The following RAD54B variants were observed in gnomAD, a reference collection of about 807,000 sequenced individuals.
RAD54B encodes DNA repair and recombination protein RAD54B.
RAD54B carries 78 observed loss-of-function variants against 95.8 expected under a neutral mutation model. That is an observed-to-expected ratio of 0.81 (90% CI 0.68 to 0.98). RAD54B has a LOEUF of 0.98. Ranked by LOEUF, RAD54B falls within the 50% of genes least tolerant of loss-of-function variation. The probability of loss-of-function intolerance (pLI) is 0.00; values close to 1 mark genes in which losing one functional copy is unlikely to be tolerated. For synonymous variants in RAD54B, 328 were observed against 354.9 expected (o/e 0.92, Z 0.85); for missense variants, 957 against 1,056.6 (o/e 0.91, Z 1.31).
At chr8:94,406,193 T>C (rs1872889) in intron 5 of RAD54B, among the ~76,000 whole-genome samples, 58,020 of 151,872 alleles carry the variant, frequency 0.38, 11,258 homozygotes, top group Admixed American at 0.5. Context: ...GGACCCACGT[T>C]TTACACATGA....
At chr8:94,384,092 T>C (rs1034166862) in intron 11 of RAD54B, among the ~76,000 whole-genome samples, 1 of 152,100 alleles carries the variant, frequency 6.6e-6, no homozygotes, top group African/African-American at 2.4e-5. Context: ...GTAACAAACC[T>C]GCACATTGTG....
intron 3 of RAD54B, among the ~76,000 whole-genome samples, chr8:94,452,793 A>G (rs1324909326): frequency 2.0e-5 from 3 of 152,146 alleles, no homozygotes; most frequent in Non-Finnish European, 4.4e-5. Context: ...CACCACACCC[A>G]GCCTACTATC....
At chr8:94,383,959 G>A (rs77341112) in intron 11 of RAD54B, among the ~76,000 whole-genome samples, 1,950 of 152,230 alleles carry the variant, frequency 0.013, 47 homozygotes, top group African/African-American at 0.044. Context: ...ATGAAAAACA[G>A]TATGGCAGTA....
chr8:94,447,852 G>A (rs1812558518), intron 3 of RAD54B, among the ~76,000 whole-genome samples: 1 of 152,102 alleles, frequency 6.6e-6, no homozygotes, highest in Admixed American at 6.5e-5. Flanking sequence ...ATGACAGATG[G>A]AATAAATAGA....
intron 9 of RAD54B, 45 bp downstream of exon 9, chr8:94,393,698 A>T: frequency 2.7e-6 from 4 of 1,478,888 alleles, no homozygotes; most frequent in Non-Finnish European, 3.7e-6. Flanking sequence ...TGATTTCCTC[A>T]GACATACGGC....
intron 4 of RAD54B, among the ~76,000 whole-genome samples, chr8:94,408,798 C>T (rs984682880): frequency 1.3e-5 from 2 of 152,050 alleles, no homozygotes; most frequent in African/African-American, 4.8e-5. Context: ...ACATAAAATC[C>T]AATTACTGTT....
Position 94,462,181 on chromosome 8 carries a change from G to C in RAD54B, c.136-3745C>G, listed in dbSNP as rs142024525. 2.6e-3 allele frequency among the ~76,000 whole-genome samples: 390 copies of C among 152,258 alleles called. 1 individual carries two copies. The highest frequency in any genetic ancestry group is 9.1e-3 in the African/African-American group (379 of 41,524). ...AATACAACAGTTCATCATATTAGGA[G>C]GCACATAATATCGGTTTGTTCCATT... On this transcript the variant is annotated intron_variant, in intron 2 of 14. Transcript: ENST00000336148.
intron 3 of RAD54B, among the ~76,000 whole-genome samples, chr8:94,441,051 C>T (rs150448863): frequency 6.1e-4 from 93 of 152,252 alleles, no homozygotes; most frequent in Non-Finnish European, 2.9e-4. Context: ...TATGGAAGAA[C>T]ACTGTGAAAC....
rs747654255 is a variant in RAD54B, at chr8:94,387,177, T to G, written c.1810-18A>C. ...TCCTTTTCCTATTCAAAATGATGATTGTTAATGCTGGCTCAAGTTTGTTTT... is the reference window on the plus strand; with the variant it reads ...TCCTTTTCCTATTCAAAATGATGATGGTTAATGCTGGCTCAAGTTTGTTTT... On this transcript the variant is annotated intron_variant, in intron 10 of 14. Transcript: ENST00000336148. 3 of 1,534,016 alleles carry G rather than the reference T, an allele frequency of 2.0e-6. No individual in the cohort carries two copies. Among genetic ancestry groups the G allele is most frequent in the Non-Finnish European group, 1.7e-6 (2 of 1,142,894 alleles).
chr8:94,389,538 C>G lies in RAD54B; in HGVS notation c.1809+2071G>C, dbSNP rs560828621. ...TACCAGTTTGACTTCTCATCTCAAG[C>G]TAATCGCGACACTATCTCTTCTGAC... On this transcript the variant is annotated intron_variant, in intron 10 of 14. Transcript: ENST00000336148. Among the ~76,000 whole-genome samples the G allele has an allele frequency of 9.7e-4, 147 of 152,310 alleles. 1 individual carries two copies. Among genetic ancestry groups the G allele is most frequent in the African/African-American group, 3.0e-3 (126 of 41,570 alleles).
intron 11 of RAD54B, among the ~76,000 whole-genome samples, chr8:94,385,898 T>A (rs1810879015): frequency 6.6e-6 from 1 of 152,040 alleles, no homozygotes; most frequent in African/African-American, 2.4e-5. Flanking sequence ...ATGGTATGTG[T>A]GAAGGAGTGA....
At chr8:94,417,256 G>A (rs1811695840) in intron 3 of RAD54B, among the ~76,000 whole-genome samples, 2 of 152,034 alleles carry the variant, frequency 1.3e-5, no homozygotes, top group African/African-American at 4.8e-5. Context: ...TAGGAAGCAG[G>A]GTGGTGGTAG....
At chr8:94,396,466 G>A (rs2129998432) in intron 8 of RAD54B, among the ~76,000 whole-genome samples, 1 of 151,376 alleles carries the variant, frequency 6.6e-6, no homozygotes, top group Non-Finnish European at 1.5e-5. Context: ...ACCCAACACT[G>A]TCAATAACCT....
intron 3 of RAD54B, among the ~76,000 whole-genome samples, chr8:94,421,153 T>C (rs1811799601): frequency 6.6e-6 from 1 of 152,124 alleles, no homozygotes; most frequent in Non-Finnish European, 1.5e-5. Flanking sequence ...CCCCCTAAAC[T>C]GCCCTGTTAA....
chr8:94,416,377 G>A (rs376350502), intron 3 of RAD54B, among the ~76,000 whole-genome samples: 7 of 151,964 alleles, frequency 4.6e-5, no homozygotes, highest in Non-Finnish European at 7.4e-5. Context: ...GTGGTGGGGC[G>A]AGGGGGGAGG....
At chr8:94,416,287 G>T (rs1018855888) in intron 3 of RAD54B, among the ~76,000 whole-genome samples, 1 of 151,642 alleles carries the variant, frequency 6.6e-6, no homozygotes, top group African/African-American at 2.4e-5. Flanking sequence ...AACACCGCAT[G>T]TTCTCACTCA....
intron 3 of RAD54B, among the ~76,000 whole-genome samples, chr8:94,451,754 CCTT>C (rs112346796): frequency 6.6e-6 from 1 of 152,044 alleles, no homozygotes. Context: ...GGCCTGTACT[CCTT>C]AAGTTAAAAA....
intron 3 of RAD54B, chr8:94,436,776 T>C (rs184283750): frequency 6.5e-7 from 1 of 1,550,320 alleles, no homozygotes; most frequent in African/African-American, 1.4e-5. Flanking sequence ...TATTAGTGTG[T>C]TCTTCGAGAA....
At position 94,458,293 on chromosome 8, in the gene RAD54B, C is replaced by T. The variant is rs1812822518; in HGVS notation, c.279G>A (p.Leu93=). 1 of 1,607,228 alleles carries T rather than the reference C, an allele frequency of 6.2e-7. No homozygotes were observed. The highest frequency in any genetic ancestry group is 8.5e-7 in the Non-Finnish European group (1 of 1,177,800). Residue 93 remains leucine (L), a synonymous_variant, in exon 3 of 15, where the codon CTG becomes CTA. Transcript: ENST00000336148. ...CTGTATGAGGTGGATCTAATGTTGC[C>T]AGTGTAGGTGCTTCAAAACAATATT... is the stretch of plus-strand genomic sequence containing the variant. ...SGKYCFEAPT[L]ATLDPPHTVH... is the part of the protein sequence containing the mutation.
Sources: allele counts gnomAD v4.1 joint callset (sites outside exome capture counted in the v4.1 genomes callset), GRCh38; gene constraint gnomAD v4.1.1; transcripts MANE v1.5; gene names NCBI Gene and HGNC (gene_info 2026-07-23, HGNC 2026-07-21).